ITGA4: variants seen among roughly 807,000 people sequenced by gnomAD.
ITGA4 encodes integrin alpha-4.
In ITGA4, 63 loss-of-function variants were observed where a neutral mutation model predicts 133.6. The observed-to-expected ratio is 0.47, with a 90% CI of 0.38 to 0.58. The LOEUF is 0.58. Ranked by LOEUF, ITGA4 falls within the 20% of genes least tolerant of loss-of-function variation. The pLI is 0.00. For missense variants in ITGA4, 1,076 were observed against 1,252.7 expected (o/e 0.86, Z 2.13); for synonymous variants, 483 against 438.0 (o/e 1.10, Z -1.28).
intron 9 of ITGA4, among the ~76,000 whole-genome samples, chr2:181,485,466 G>A (rs1685894262): frequency 6.7e-6 from 1 of 150,206 alleles, no homozygotes; most frequent in Non-Finnish European, 1.5e-5. Context: ...TTATATGCTT[G>A]TGCTAAGCCT....
rs565561716 is a variant in ITGA4 at position 181,457,998 on chromosome 2, C to G, written c.197+147C>G. 2.5e-4 allele frequency: 285 copies of G among 1,126,824 alleles called. 1 individual carries two copies. In the Middle Eastern group the frequency reaches 5.7e-3, roughly 23 times the overall value. The allele number at this position is 1,126,824 out of a possible 1,614,324, so 69.8% of individuals were successfully genotyped here. On this transcript the variant is annotated intron_variant, in intron 1 of 27. Coordinates refer to ENST00000397033, the MANE Select transcript of ITGA4 (RefSeq NM_000885.6). ...GAGAGCCAGCTCGCTGGAAATCTGC[C>G]AGGGAAACTAACTTATCTTGGGGCG...
intron 25 of ITGA4, among the ~76,000 whole-genome samples, chr2:181,532,628 A>C (rs760838788): frequency 1.1e-4 from 16 of 152,076 alleles, no homozygotes; most frequent in Non-Finnish European, 2.1e-4. Flanking sequence ...AGTTGCTTAT[A>C]AGCTTAAGGA....
chr2:181,457,590 C>A lies in ITGA4; in HGVS notation c.-65C>A. ...GGGGCGTTCTTCCCCGTTGGCCAAC[C>A]GTCGCATCCCGTGCAACTTTGGGGT... On this transcript the variant is annotated 5_prime_UTR_variant, in exon 1 of 28. Coordinates refer to ENST00000397033, the MANE Select transcript of ITGA4 (RefSeq NM_000885.6). The A allele has an allele frequency of 6.9e-7, 1 of 1,459,152 alleles. No individual in the cohort carries two copies. Among genetic ancestry groups the A allele is most frequent in the Non-Finnish European group, 9.3e-7 (1 of 1,072,370 alleles). The allele number at this position is 1,459,152 out of a possible 1,614,324, so 90.4% of individuals were successfully genotyped here. A position where few individuals can be genotyped will look rare whatever the true frequency, so the allele number is the denominator to read the frequency against.
intron 17 of ITGA4, among the ~76,000 whole-genome samples, chr2:181,515,007 C>T (rs928713456): frequency 3.3e-5 from 5 of 151,952 alleles, no homozygotes; most frequent in African/African-American, 1.2e-4. Context: ...TGTCTCTGAG[C>T]CACCTTTATG....
rs779252784 is a variant in ITGA4, at chr2:181,511,691, A to G, written c.1846-8A>G. ...TCAAAATAAAAAACGTTGTCTTTTT[A>G]TTTCCAGATAAACTTTGCAAGGTTT... On this transcript the variant is annotated splice_region_variant and splice_polypyrimidine_tract_variant and intron_variant, in intron 16 of 27. Coordinates refer to ENST00000397033, the MANE Select transcript of ITGA4 (RefSeq NM_000885.6). 2.7e-6 allele frequency: 4 copies of G among 1,503,976 alleles called. No individual in the cohort carries two copies. Among genetic ancestry groups the G allele is most frequent in the Non-Finnish European group, 3.7e-6 (4 of 1,085,184 alleles). 93.2% of individuals were successfully genotyped at this position (1,503,976 alleles called of 1,614,324 possible). A position where few individuals can be genotyped will look rare whatever the true frequency, so the allele number is the denominator to read the frequency against.
intron 10 of ITGA4, among the ~76,000 whole-genome samples, chr2:181,490,745 T>C (rs1686035756): frequency 6.6e-6 from 1 of 152,178 alleles, no homozygotes; most frequent in African/African-American, 2.4e-5. Context: ...ATCTGTAAAG[T>C]TGGAGTCAGA....
In ITGA4 at chr2:181,537,187, G is replaced by C. The variant is rs1559063033; in HGVS notation, c.*1660G>C. 1 of 453,362 alleles carries C rather than the reference G, an allele frequency of 2.2e-6. No individual in the cohort carries two copies. Among genetic ancestry groups the C allele is most frequent in the Admixed American group, 2.4e-5 (1 of 42,532 alleles). The allele number at this position is 453,362 out of a possible 1,614,324, so 28.1% of individuals were successfully genotyped here. A position where few individuals can be genotyped will look rare whatever the true frequency, so the allele number is the denominator to read the frequency against. Reference sequence around the variant, plus strand: ...TTTCAGGAGAACATCTAGGATCATAGATGAAAAATCAAGCCCCGATTTAGA... The same window carrying C: ...TTTCAGGAGAACATCTAGGATCATACATGAAAAATCAAGCCCCGATTTAGA... On this transcript the variant is annotated 3_prime_UTR_variant, in exon 28 of 28. Coordinates refer to ENST00000397033, the MANE Select transcript of ITGA4 (RefSeq NM_000885.6).
rs201111566 is a variant in ITGA4, at chr2:181,537,655, C to T, written c.*2128C>T. ...TCAAATCCTGAAAAATGAAAGAATC[C>T]AAATTATTTCAGAATTATCTAGGTT... On this transcript the variant is annotated 3_prime_UTR_variant, in exon 28 of 28. Coordinates refer to ENST00000397033, the MANE Select transcript of ITGA4 (RefSeq NM_000885.6). 9.2e-5 allele frequency: 40 copies of T among 433,504 alleles called. No homozygotes were observed. Among genetic ancestry groups the T allele is most frequent in the Non-Finnish European group, 5.5e-5 (12 of 219,914 alleles). The allele number at this position is 433,504 out of a possible 1,614,324, so 26.9% of individuals were successfully genotyped here. A position where few individuals can be genotyped will look rare whatever the true frequency, so the allele number is the denominator to read the frequency against.
intron 12 of ITGA4, 109 bp downstream of exon 12, chr2:181,494,921 A>T (rs1225971200): frequency 4.6e-6 from 3 of 651,214 alleles, no homozygotes; most frequent in Non-Finnish European, 8.1e-6. Context: ...CTTACTGATA[A>T]TTTTTTTTCT....
chr2:181,502,131 C>G (rs1304909968), intron 15 of ITGA4, among the ~76,000 whole-genome samples: 1 of 152,014 alleles, frequency 6.6e-6, no homozygotes, highest in Non-Finnish European at 1.5e-5. Flanking sequence ...GTTTTCTATA[C>G]TGCAGCTTGA....
At chr2:181,505,462 T>C (rs1273779986) in intron 15 of ITGA4, among the ~76,000 whole-genome samples, 1 of 152,072 alleles carries the variant, frequency 6.6e-6, no homozygotes, top group Non-Finnish European at 1.5e-5. Flanking sequence ...GTGGGCACCC[T>C]ATTTTATGTA....
Position 181,537,617 on chromosome 2 carries a change from A to G in ITGA4, c.*2090A>G, listed in dbSNP as rs10490690. The G allele has an allele frequency of 2.5e-3, 1,060 of 430,388 alleles. 25 individuals carry two copies. In the East Asian group the frequency reaches 0.053, roughly 22 times the overall value. 26.7% of individuals were successfully genotyped at this position (430,388 alleles called of 1,614,324 possible). ...TGTAACAGAATATAGGAAATTTAAC[A>G]TAATTGATGAGCTCAAATCCTGAAA... On this transcript the variant is annotated 3_prime_UTR_variant, in exon 28 of 28. Transcript: ENST00000397033.
chr2:181,505,102 G>T (rs1037525096), intron 15 of ITGA4, among the ~76,000 whole-genome samples: 2 of 142,432 alleles, frequency 1.4e-5, no homozygotes, highest in African/African-American at 5.2e-5. Context: ...GTGTAGATTA[G>T]GTGGCCCTAC....
Position 181,475,196 on chromosome 2 carries a change from A to T in ITGA4, c.464A>T (p.Lys155Met). ...GHRWKNIFYI[K>M]NENKLPTGGC... Reference sequence around the variant, plus strand: ...AGATGGAAAAATATATTTTACATAAAGAATGAAAATAAGCTCCCCACTGGT... The same window carrying T: ...AGATGGAAAAATATATTTTACATAATGAATGAAAATAAGCTCCCCACTGGT... The change falls in exon 4 of 28, where the codon AAG becomes ATG. Residue 155 changes from lysine to methionine, a missense_variant. Around this residue, in one of 4 missense-constraint regions of ITGA4, gnomAD observed 436 missense variants for 590.7 expected, o/e 0.74. Coordinates refer to ENST00000397033, the MANE Select transcript of ITGA4 (RefSeq NM_000885.6). 1 of 1,613,048 alleles carries T rather than the reference A, an allele frequency of 6.2e-7. No homozygotes were observed. The highest frequency in any genetic ancestry group is 8.5e-7 in the Non-Finnish European group (1 of 1,179,002).
At chr2:181,469,541 T>C (rs532116774) in intron 2 of ITGA4, among the ~76,000 whole-genome samples, 7 of 152,302 alleles carry the variant, frequency 4.6e-5, no homozygotes, top group African/African-American at 1.4e-4. Context: ...GAAAATACCA[T>C]TTGACCCAGC....
At chr2:181,471,747 T>C (rs1449264) in intron 2 of ITGA4, among the ~76,000 whole-genome samples, 51,558 of 152,074 alleles carry the variant, frequency 0.34, 9,112 homozygotes, top group Admixed American at 0.39. Context: ...GAATCTCTTC[T>C]GCTCACGGGT....
Position 181,481,594 on chromosome 2 carries a change from A to C in ITGA4, c.755-4A>C. ...ACTCTCATACTTTCTCCCTTTTCTT[A>C]AAGGATATTCAGTCGGAGCTGGTCA... is the stretch of plus-strand genomic sequence containing the variant. On this transcript the variant is annotated splice_region_variant and splice_polypyrimidine_tract_variant and intron_variant, in intron 6 of 27. Transcript: ENST00000397033. 6.4e-7 allele frequency: 1 copy of C among 1,566,612 alleles called. No individual in the cohort carries two copies. The highest frequency in any genetic ancestry group is 8.8e-7 in the Non-Finnish European group (1 of 1,142,002).
intron 15 of ITGA4, among the ~76,000 whole-genome samples, chr2:181,503,543 TAAGAA>T (rs1243111715): frequency 1.4e-5 from 2 of 139,406 alleles, no homozygotes; most frequent in Non-Finnish European, 3.1e-5. Flanking sequence ...CCTCATAAAA[TAAGAA>T]AGAAGGAAGA....
At position 181,527,342 on chromosome 2, in the gene ITGA4, T is replaced by C. The variant is rs1191684718; in HGVS notation, c.2385T>C (p.Asn795=). 5 of 1,613,382 alleles carry C rather than the reference T, an allele frequency of 3.1e-6. No individual in the cohort carries two copies. The highest frequency in any genetic ancestry group is 4.2e-6 in the Non-Finnish European group (5 of 1,179,396). Reference sequence around the variant, plus strand: ...TTGTGTATGGATCAAATGATGAAAATGAGCCTGAAACGTGCATGGTGGAGA... The same window carrying C: ...TTGTGTATGGATCAAATGATGAAAACGAGCCTGAAACGTGCATGGTGGAGA... The part of the protein sequence containing the change: ...TSFVYGSNDE[N]EPETCMVEKM... The change falls in exon 22 of 28, where the codon AAT becomes AAC. Residue 795 remains asparagine (N), a synonymous_variant. Transcript: ENST00000397033.
Sources: allele counts gnomAD v4.1 joint callset (sites outside exome capture counted in the v4.1 genomes callset), GRCh38; gene constraint gnomAD v4.1.1; regional missense constraint gnomAD v4.1.1; transcripts MANE v1.5; gene names NCBI Gene and HGNC (gene_info 2026-07-23, HGNC 2026-07-21).